The following RAD54L variants were observed in gnomAD, a reference collection of about 807,000 sequenced individuals.
RAD54L encodes RAD54 like.
RAD54L carries 74 observed loss-of-function variants against 91.6 expected under a neutral mutation model. That is an observed-to-expected ratio of 0.81 (90% CI 0.67 to 0.98). The LOEUF is 0.98. Among genes scored for constraint, RAD54L ranks in the 50% least tolerant of loss-of-function variants. The pLI, the probability that RAD54L is intolerant of heterozygous loss-of-function variation, is 0.00. For missense variants in RAD54L, 887 were observed against 945.7 expected (o/e 0.94, Z 0.81); for synonymous variants, 304 against 349.7 (o/e 0.87, Z 1.46).
At chr1:46,275,013 CCT>C (rs1202956053) in intron 16 of RAD54L, among the ~76,000 whole-genome samples, 2 of 152,180 alleles carry the variant, frequency 1.3e-5, no homozygotes, top group Admixed American at 6.5e-5. Context: ...TCTCTCATCC[CCT>C]GTCCTATTTG....
chr1:46,273,785 T>C (rs1557708108), intron 14 of RAD54L, 38 bp downstream of exon 14: 2 of 1,572,524 alleles, frequency 1.3e-6, no homozygotes, highest in Non-Finnish European at 1.7e-6. Flanking sequence ...AAGGGGGATA[T>C]ACCCCTCCCC....
At chr1:46,251,260 C>T (rs984051385) in intron 3 of RAD54L, among the ~76,000 whole-genome samples, 2 of 152,012 alleles carry the variant, frequency 1.3e-5, no homozygotes, top group East Asian at 1.9e-4. Flanking sequence ...TGCAGTGAGC[C>T]GAGATCATGC....
At chr1:46,274,767 C>T (rs1238400528) in intron 16 of RAD54L, 50 bp downstream of exon 16, 2 of 1,603,916 alleles carry the variant, frequency 1.2e-6, no homozygotes, top group South Asian at 1.1e-5. Flanking sequence ...GGAACGAGAT[C>T]TTCAGGACCA....
intron 8 of RAD54L, 25 bp from the exon 9 acceptor site, chr1:46,267,434 G>A (rs749047867): frequency 3.1e-6 from 5 of 1,613,182 alleles, no homozygotes; most frequent in African/African-American, 2.7e-5. Flanking sequence ...GCCACATTGC[G>A]CTCTGAATAA....
Position 46,277,907 on chromosome 1 carries a change from C to T in RAD54L, c.1960C>T (p.Arg654Cys), listed in dbSNP as rs144347182. ...GGTGGATGAGGAGCAGGATGTAGAG[C>T]GCCACTTCTCTCTGGGCGAGTTGAA... ...CVVDEEQDVE[R>C]HFSLGELKEL... Residue 654 changes from arginine (R) to cysteine (C), a missense_variant, in exon 17 of 18, where the codon CGC becomes TGC. Arg to Cys is a radical substitution (Grantham distance 180, BLOSUM62 -3). Transcript: ENST00000371975. 5.9e-5 allele frequency: 96 copies of T among 1,613,914 alleles called. No homozygotes were observed. Among genetic ancestry groups the T allele is most frequent in the Non-Finnish European group, 6.8e-5 (80 of 1,180,012 alleles).
At position 46,272,467 on chromosome 1, in the gene RAD54L, T is replaced by C; in HGVS notation, c.1171T>C (p.Cys391Arg). Residue 391 changes from cysteine to arginine, a missense_variant and splice_region_variant, in exon 11 of 18, where the codon TGC (cysteine) becomes CGC (arginine). By Grantham distance (180) the Cys-to-Arg change is radical. Coordinates refer to ENST00000371975, the MANE Select transcript of RAD54L (RefSeq NM_003579.4). ...LRELTSIVNR[C>R]LIRRTSDILS... ...GCCTTTTTATCCTGTTTTCTCTAGA[T>C]GCCTGATACGGAGGACTTCTGATAT... 6.2e-7 allele frequency: 1 copy of C among 1,607,436 alleles called. No individual in the cohort carries two copies. Among genetic ancestry groups the C allele is most frequent in the Non-Finnish European group, 8.5e-7 (1 of 1,173,880 alleles).
intron 8 of RAD54L, among the ~76,000 whole-genome samples, chr1:46,261,934 A>G (rs777305887): frequency 6.6e-6 from 1 of 152,124 alleles, no homozygotes; most frequent in Non-Finnish European, 1.5e-5. Flanking sequence ...GTTTGGGACC[A>G]GCCTGGGCAA....
At chr1:46,257,711 C>T (rs749016089) in intron 3 of RAD54L, among the ~76,000 whole-genome samples, 12 of 152,210 alleles carry the variant, frequency 7.9e-5, no homozygotes, top group Non-Finnish European at 1.3e-4. Context: ...GTCCCTTTCT[C>T]ATGTTCCTTC....
Position 46,274,182 on chromosome 1 carries a change from G to A in RAD54L, c.1655G>A (p.Arg552Gln), listed in dbSNP as rs746153043. 4.8e-5 allele frequency: 77 copies of A among 1,613,818 alleles called. No individual in the cohort carries two copies. Among genetic ancestry groups the A allele is most frequent in the Non-Finnish European group, 5.8e-5 (68 of 1,179,900 alleles). ...GATGGCACGATGTCCATTAAGAAGC[G>A]AGCCAAGGTTGTAGAACGCTTCAAT... ...RLDGTMSIKK[R>Q]AKVVERFNSP... The change falls in exon 15 of 18, where the codon CGA becomes CAA. Residue 552 changes from arginine to glutamine, a missense_variant. Transcript: ENST00000371975.
intron 16 of RAD54L, among the ~76,000 whole-genome samples, chr1:46,276,804 GTTTT>G (rs1277246548): frequency 6.6e-6 from 1 of 152,118 alleles, no homozygotes. Flanking sequence ...TCCAAGGTTT[GTTTT>G]TTGTTTTTTG....
At chr1:46,255,360 T>C (rs756186619) in intron 3 of RAD54L, among the ~76,000 whole-genome samples, 17 of 152,058 alleles carry the variant, frequency 1.1e-4, no homozygotes, top group Non-Finnish European at 2.1e-4. Context: ...CTGTCTCTCA[T>C]CTATCAGAAG....
chr1:46,249,847 A>G (rs146328066), intron 2 of RAD54L, among the ~76,000 whole-genome samples, 153 bp from the exon 3 acceptor site: 1 of 152,344 alleles, frequency 6.6e-6, no homozygotes, highest in East Asian at 1.9e-4. Context: ...TAATAACTCT[A>G]CATAATAGAG....
In RAD54L at chr1:46,277,970, A is replaced by C; in HGVS notation, c.2023A>C (p.Thr675Pro). The change falls in exon 17 of 18, where the codon ACA becomes CCA. Residue 675 changes from threonine (T) to proline (P), a missense_variant. Transcript: ENST00000371975. Reference protein sequence around the residue: ...FILDEASLSDTHDRLHCRRCV... With the variant: ...FILDEASLSDPHDRLHCRRCV... ...CCTGGATGAAGCTAGCCTCAGTGAC[A>C]CACATGACAGGTGGGGAAGTGCCCT... 1 of 1,614,160 alleles carries C rather than the reference A, an allele frequency of 6.2e-7. No homozygotes were observed. The highest frequency in any genetic ancestry group is 1.1e-5 in the South Asian group (1 of 91,082).
chr1:46,272,025 C>CTTTTTTTTTTTTTTTTTTTTTTTTTTTT lies in RAD54L; in HGVS notation c.1170-434_1170-407dup, dbSNP rs1162693010. ...GATGTGTTTGACATAGGTCTGATGACTTTTTTTTTTTTTTTTTTTTTTTTT... is the reference window on the plus strand; with the variant it reads ...GATGTGTTTGACATAGGTCTGATGACTTTTTTTTTTTTTTTTTTTTTTTTTTTTTTTTTTTTTTTTTTTTTTTTTTTTT... On this transcript the variant is annotated intron_variant, in intron 10 of 17. Coordinates refer to ENST00000371975, the MANE Select transcript of RAD54L (RefSeq NM_003579.4). Among the ~76,000 whole-genome samples, 2 of 41,170 alleles carry CTTTTTTTTTTTTTTTTTTTTTTTTTTTT rather than the reference C, an allele frequency of 4.9e-5. 1 individual carries two copies. Among genetic ancestry groups the CTTTTTTTTTTTTTTTTTTTTTTTTTTTT allele is most frequent in the Non-Finnish European group, 8.0e-5 (2 of 24,894 alleles). The allele number at this position is 41,170 out of a possible 152,430, so 27.0% of individuals were successfully genotyped here. A position where few individuals can be genotyped will look rare whatever the true frequency, so the allele number is the denominator to read the frequency against.
rs185160502 is a variant in RAD54L at position 46,247,796 on chromosome 1, A to G, written c.-610A>G. On this transcript the variant is annotated 5_prime_UTR_variant, in exon 1 of 18. Coordinates refer to ENST00000371975, the MANE Select transcript of RAD54L (RefSeq NM_003579.4). Reference sequence around the variant, plus strand: ...GCGCTTTGGGAACAGGAAGGTTGAGAGAGAGGTGCTGGGGTCTGCGTCTAT... The same window carrying G: ...GCGCTTTGGGAACAGGAAGGTTGAGGGAGAGGTGCTGGGGTCTGCGTCTAT... 1 of 164,280 alleles carries G rather than the reference A, an allele frequency of 6.1e-6. No individual in the cohort carries two copies. The highest frequency in any genetic ancestry group is 2.4e-5 in the African/African-American group (1 of 41,454). 10.2% of individuals were successfully genotyped at this position (164,280 alleles called of 1,614,324 possible).
At position 46,271,024 on chromosome 1, in the gene RAD54L, T is replaced by C. The variant is rs72901060; in HGVS notation, c.1169+239T>C. ...TGTTTATCAGCCTGCTGAGGAAGCT[T>C]TTCTCTGATGCTGCTGGACTTCTTG... On this transcript the variant is annotated intron_variant, in intron 10 of 17. Transcript: ENST00000371975. 7.7e-3 allele frequency among the ~76,000 whole-genome samples: 1,174 copies of C among 152,150 alleles called. 18 individuals are homozygous for C. The highest frequency in any genetic ancestry group is 0.034 in the Middle Eastern group (10 of 292).
chr1:46,275,274 T>C (rs1356306766), intron 16 of RAD54L, among the ~76,000 whole-genome samples: 1 of 152,206 alleles, frequency 6.6e-6, no homozygotes, highest in African/African-American at 2.4e-5. Flanking sequence ...CATGTTTCCT[T>C]GACCTCATCT....
At position 46,249,422 on chromosome 1, in the gene RAD54L, T is replaced by C. The variant is rs10437095; in HGVS notation, c.91-578T>C. 8.2e-3 allele frequency among the ~76,000 whole-genome samples: 1,248 copies of C among 152,294 alleles called. 19 individuals carry two copies. Among genetic ancestry groups the C allele is most frequent in the Middle Eastern group, 0.037 (11 of 294 alleles). ...GTTGTACCGTGGTGTGCAAGGGGCT[T>C]CTCTACCTGTGAAGGAGGCACATTG... On this transcript the variant is annotated intron_variant, in intron 2 of 17. Coordinates refer to ENST00000371975, the MANE Select transcript of RAD54L (RefSeq NM_003579.4).
intron 8 of RAD54L, among the ~76,000 whole-genome samples, chr1:46,262,423 A>T (rs559544204): frequency 7.7e-4 from 117 of 152,098 alleles, no homozygotes; most frequent in African/African-American, 2.8e-3. Context: ...ACAAAATAAA[A>T]ACCAAAAAAC....
Sources: allele counts gnomAD v4.1 joint callset (sites outside exome capture counted in the v4.1 genomes callset), GRCh38; gene constraint gnomAD v4.1.1; transcripts MANE v1.5; gene names NCBI Gene and HGNC (gene_info 2026-07-23, HGNC 2026-07-21).